Variants in MTARC2 observed in about 807,000 individuals in gnomAD.
MTARC2 encodes the protein MOCO sulphurase C-terminal domain containing 2.
In MTARC2, 27 loss-of-function variants were observed where a neutral mutation model predicts 35.6. That is an observed-to-expected ratio of 0.76 (90% CI 0.56 to 1.04). The LOEUF (loss-of-function observed/expected upper bound fraction) is 1.04, where lower values mean the gene tolerates loss of function less well. Ranked by LOEUF, MTARC2 falls within the 50% of genes least tolerant of loss-of-function variation. The pLI is 0.00. For synonymous variants in MTARC2, 158 were observed against 167.1 expected, an observed-to-expected ratio of 0.95 and a Z score of 0.42; for missense variants, 412 against 432.5, an observed-to-expected ratio of 0.95 and a Z score of 0.42.
At chr1:220,781,382 G>A (rs1175107416) in intron 6 of MTARC2, among the ~76,000 whole-genome samples, 5 of 152,222 alleles carry the variant, frequency 3.3e-5, no homozygotes, top group African/African-American at 1.2e-4. Flanking sequence ...TAAACCTGGA[G>A]GGGGTTGAAA....
At chr1:220,755,590 AG>A (rs1277873331) in intron 2 of MTARC2, among the ~76,000 whole-genome samples, 2 of 152,118 alleles carry the variant, frequency 1.3e-5, no homozygotes, top group African/African-American at 4.8e-5. Flanking sequence ...TCTGGGTCAC[AG>A]GTTGTCTGGT....
rs1026371891 is a variant in MTARC2 at position 220,748,391 on chromosome 1, G to C, written c.-141G>C. 1.1e-5 allele frequency: 9 copies of C among 843,526 alleles called. No homozygotes were observed. Among genetic ancestry groups the C allele is most frequent in the Non-Finnish European group, 1.3e-5 (8 of 624,174 alleles). 52.3% of individuals were successfully genotyped at this position (843,526 alleles called of 1,614,324 possible). ...TCCGCGGAACTGCTCTGCCGTCTCG[G>C]CGGTGAAAGTGTGAGAGGGTCCGTA... On this transcript the variant is annotated 5_prime_UTR_variant, in exon 1 of 8. Coordinates refer to ENST00000366913, the MANE Select transcript of MTARC2 (RefSeq NM_017898.5).
At position 220,761,507 on chromosome 1, in the gene MTARC2, C is replaced by T. The variant is rs3753880; in HGVS notation, c.447-151C>T. On this transcript the variant is annotated intron_variant, in intron 2 of 7. Transcript: ENST00000366913. The stretch of plus-strand genomic sequence containing the variant: ...TCCCCAGAGCACACTCTACTCCTTT[C>T]TCTTGCACTTCTGCCCAGCTTTGAC... 3.2e-3 allele frequency: 2,072 copies of T among 647,440 alleles called. 58 individuals carry two copies. The East Asian group carries it at 0.049, about 15-fold the overall frequency. 40.1% of individuals were successfully genotyped at this position (647,440 alleles called of 1,614,324 possible).
chr1:220,767,972 A>C (rs905016101), intron 4 of MTARC2, among the ~76,000 whole-genome samples: 1 of 152,214 alleles, frequency 6.6e-6, no homozygotes, highest in African/African-American at 2.4e-5. Flanking sequence ...TTGAGATAAC[A>C]AGTCCGTTTT....
At chr1:220,755,643 G>A (rs72472377) in intron 2 of MTARC2, among the ~76,000 whole-genome samples, 2,186 of 152,158 alleles carry the variant, frequency 0.014, 36 homozygotes, top group East Asian at 0.064. Context: ...CTAGTGGCCC[G>A]GCATGTAAGC....
intron 4 of MTARC2, among the ~76,000 whole-genome samples, chr1:220,766,351 C>G (rs987574121): frequency 1.5e-4 from 23 of 152,224 alleles, no homozygotes; most frequent in African/African-American, 4.3e-4. Context: ...CCACCTCCCC[C>G]TCCCAGTTCT....
At chr1:220,759,061 G>C (rs1467503481) in intron 2 of MTARC2, among the ~76,000 whole-genome samples, 1 of 152,024 alleles carries the variant, frequency 6.6e-6, no homozygotes, top group Non-Finnish European at 1.5e-5. Flanking sequence ...TACATGTTTT[G>C]TTAGATTTAG....
intron 6 of MTARC2, 39 bp downstream of exon 6, chr1:220,780,278 C>G (rs374626551): frequency 6.4e-7 from 1 of 1,567,312 alleles, no homozygotes; most frequent in Non-Finnish European, 8.7e-7. Context: ...TAAATATTAT[C>G]TCCACCCCAG....
At position 220,780,067 on chromosome 1, in the gene MTARC2, T is replaced by C. The variant is rs1009940944; in HGVS notation, c.800T>C (p.Met267Thr). 1.2e-5 allele frequency: 18 copies of C among 1,551,590 alleles called. No homozygotes were observed. Among genetic ancestry groups the C allele is most frequent in the African/African-American group, 8.5e-5 (6 of 70,960 alleles). The change falls in exon 5 of 8, where the codon ATG (methionine) becomes ACG (threonine). Residue 267 changes from methionine (M) to threonine (T), a missense_variant. Physicochemically the swap from Met to Thr is moderately conservative, Grantham distance 81. Coordinates refer to ENST00000366913, the MANE Select transcript of MTARC2 (RefSeq NM_017898.5). ...LIGSVEVKKVMACPRCILTTV... is the reference protein window; with the variant it reads ...LIGSVEVKKVTACPRCILTTV... ...GGTAGTGTAGAAGTGAAAAAGGTAA[T>C]GGCATGCCCCAGGTAAGGAGCCTAG...
intron 1 of MTARC2, among the ~76,000 whole-genome samples, chr1:220,751,295 T>C (rs146236289): frequency 1.1e-4 from 17 of 152,308 alleles, no homozygotes; most frequent in African/African-American, 3.1e-4. Context: ...ACCCTAAGCA[T>C]TGAGTGTTTA....
intron 7 of MTARC2, 49 bp downstream of exon 7, chr1:220,781,981 G>T (rs1383827640): frequency 2.1e-5 from 30 of 1,446,242 alleles, no homozygotes; most frequent in Non-Finnish European, 2.5e-5. Context: ...AGCCATTGCT[G>T]CATTTTCTTG....
chr1:220,762,853 T>C, intron 3 of MTARC2, 57 bp from the exon 4 acceptor site: 1 of 1,599,180 alleles, frequency 6.3e-7, no homozygotes, highest in Non-Finnish European at 8.5e-7. Flanking sequence ...AGCTTTGTAG[T>C]TGGTCTAGGC....
chr1:220,759,987 C>A (rs994058945), intron 2 of MTARC2, among the ~76,000 whole-genome samples: 52 of 152,232 alleles, frequency 3.4e-4, no homozygotes, highest in African/African-American at 1.1e-3. Flanking sequence ...CATGCATCGC[C>A]TCAGGAGTCC....
At chr1:220,763,826 C>T (rs927559893) in intron 4 of MTARC2, among the ~76,000 whole-genome samples, 3 of 152,134 alleles carry the variant, frequency 2.0e-5, no homozygotes, top group Non-Finnish European at 4.4e-5. Flanking sequence ...TTGATCTTTA[C>T]GATAACCCTG....
chr1:220,750,556 T>C (rs1671100766), intron 1 of MTARC2, among the ~76,000 whole-genome samples: 1 of 152,236 alleles, frequency 6.6e-6, no homozygotes. Context: ...TGTATTACCT[T>C]TCCCTTGTTT....
At chr1:220,783,102 C>T (rs1672126505) in intron 7 of MTARC2, among the ~76,000 whole-genome samples, 1 of 152,146 alleles carries the variant, frequency 6.6e-6, no homozygotes, top group Non-Finnish European at 1.5e-5. Context: ...TTTGCATAAC[C>T]ATAACCATAT....
At chr1:220,778,600 G>C (rs1349531367) in intron 4 of MTARC2, among the ~76,000 whole-genome samples, 1 of 152,134 alleles carries the variant, frequency 6.6e-6, no homozygotes, top group Non-Finnish European at 1.5e-5. Flanking sequence ...TATGAGATTT[G>C]GTGGGGACAC....
chr1:220,755,079 G>T lies in MTARC2; in HGVS notation c.405G>T (p.Leu135Phe), dbSNP rs759427775. 4.3e-6 allele frequency: 7 copies of T among 1,612,230 alleles called. No individual in the cohort carries two copies. The highest frequency in any genetic ancestry group is 1.1e-5 in the South Asian group (1 of 90,708). Residue 135 changes from leucine to phenylalanine, a missense_variant, in exon 2 of 8, where the codon TTG (leucine) becomes TTT (phenylalanine). By Grantham distance (22) the Leu-to-Phe change is conservative. Transcript: ENST00000366913. The stretch of plus-strand genomic sequence containing the variant: ...CTCCAGACATGGACCAGCTGGTTTT[G>T]CCTAGCAAGCAGCCTTCCTCAAACA... The part of the protein sequence containing the change: ...FRAPDMDQLV[L>F]PSKQPSSNKL...
chr1:220,755,125 TC>T lies in MTARC2; in HGVS notation c.446+7del. 6.3e-7 allele frequency: 1 copy of T among 1,598,986 alleles called. No individual in the cohort carries two copies. The highest frequency in any genetic ancestry group is 8.5e-7 in the Non-Finnish European group (1 of 1,173,186). Reference sequence around the variant, plus strand: ...AAACAAACTCCACAACTGCAGGTGTTCCGCTTGGGGGCATCCACAGAACTGC... The same window carrying T: ...AAACAAACTCCACAACTGCAGGTGTTCGCTTGGGGGCATCCACAGAACTGC... On this transcript the variant is annotated splice_donor_region_variant and intron_variant, in intron 2 of 7. Coordinates refer to ENST00000366913, the MANE Select transcript of MTARC2 (RefSeq NM_017898.5).
Sources: gnomAD v4.1 joint callset for allele counts (sites outside exome capture counted in the v4.1 genomes callset) on GRCh38, gnomAD v4.1.1 for gene constraint, MANE v1.5 for transcripts, NCBI Gene and HGNC (gene_info 2026-07-23, HGNC 2026-07-21) for gene names.